Variants in NTM observed in about 807,000 individuals in gnomAD.
NTM encodes neurotrimin.
Under a neutral mutation model 42.1 loss-of-function variants are expected in NTM, and 13 were observed. The ratio of observed to expected loss-of-function variants is 0.31; its 90% CI spans 0.20 to 0.49. NTM has a LOEUF of 0.49. NTM is among the 20% of genes least tolerant of loss of function. The probability of loss-of-function intolerance (pLI) is 0.99; values close to 1 mark genes in which losing one functional copy is unlikely to be tolerated. For missense variants in NTM, 373 were observed against 452.8 expected, an observed-to-expected ratio of 0.82 and a Z score of 1.60; for synonymous variants, 187 against 179.2, an observed-to-expected ratio of 1.04 and a Z score of -0.35.
intron 1 of NTM, among the ~76,000 whole-genome samples, chr11:131,826,601 G>A (rs532975916): frequency 2.6e-5 from 4 of 151,874 alleles, no homozygotes; most frequent in Admixed American, 6.6e-5. Flanking sequence ...TCTAAATGGC[G>A]CAGTGGAAGG....
chr11:131,952,075 T>G (rs781530202), intron 2 of NTM, among the ~76,000 whole-genome samples: 6 of 152,110 alleles, frequency 3.9e-5, no homozygotes, highest in Non-Finnish European at 7.3e-5. Flanking sequence ...TGTCCTTGCT[T>G]ATAGACTCCT....
At chr11:131,746,695 C>T (rs558589848) in intron 1 of NTM, among the ~76,000 whole-genome samples, 1 of 152,132 alleles carries the variant, frequency 6.6e-6, no homozygotes, top group African/African-American at 2.4e-5. Flanking sequence ...TTCCAAGGAG[C>T]TCAGTTTTAT....
intron 4 of NTM, among the ~76,000 whole-genome samples, chr11:132,288,965 T>G (rs1329759442): frequency 1.3e-5 from 2 of 152,178 alleles, no homozygotes; most frequent in African/African-American, 4.8e-5. Context: ...TTTTACTCTA[T>G]CATCTCTATT....
chr11:132,317,590 G>A (rs1278558911), intron 7 of NTM: 2 of 893,640 alleles, frequency 2.2e-6, no homozygotes, highest in Non-Finnish European at 3.2e-6. Flanking sequence ...CAAATATATA[G>A]CACTGTATAT....
At chr11:132,261,918 G>A (rs148639776) in intron 4 of NTM, among the ~76,000 whole-genome samples, 8 of 152,298 alleles carry the variant, frequency 5.3e-5, no homozygotes, top group Non-Finnish European at 5.9e-5. Flanking sequence ...TGAATCCATC[G>A]ACAGCTGCAG....
At chr11:131,972,453 T>G (rs1187854577) in intron 2 of NTM, among the ~76,000 whole-genome samples, 5 of 152,198 alleles carry the variant, frequency 3.3e-5, no homozygotes, top group Non-Finnish European at 7.4e-5. Context: ...AGATGAAGTC[T>G]ATCTTACATA....
intron 1 of NTM, among the ~76,000 whole-genome samples, chr11:131,657,493 A>T (rs1296289581): frequency 6.6e-6 from 1 of 152,228 alleles, no homozygotes; most frequent in African/African-American, 2.4e-5. Context: ...GGTCTCCACC[A>T]ATTCCAGTTT....
intron 4 of NTM, among the ~76,000 whole-genome samples, chr11:132,244,315 C>T (rs768523861): frequency 5.3e-5 from 8 of 152,202 alleles, no homozygotes; most frequent in Non-Finnish European, 8.8e-5. Context: ...CTGTCTCTGC[C>T]TATGGGTTTT....
Position 132,067,920 on chromosome 11 carries a change from C to G in NTM, c.168-78362C>G, listed in dbSNP as rs1023550437. On this transcript the variant is annotated intron_variant, in intron 2 of 8. Coordinates refer to ENST00000683400, the MANE Select transcript of NTM (RefSeq NM_001352005.2). ...TAGTCATGTCCTTGATCCTTTCAGTCTAAGCTGGACATGTTTCTACTGATG... is the reference window on the plus strand; with the variant it reads ...TAGTCATGTCCTTGATCCTTTCAGTGTAAGCTGGACATGTTTCTACTGATG... Among the ~76,000 whole-genome samples, 3 of 152,318 alleles carry G rather than the reference C, an allele frequency of 2.0e-5. No individual in the cohort carries two copies. The East Asian group carries it at 5.8e-4, about 29-fold the overall frequency.
At chr11:132,231,761 C>G (rs752544672) in intron 4 of NTM, among the ~76,000 whole-genome samples, 1 of 152,198 alleles carries the variant, frequency 6.6e-6, no homozygotes, top group African/African-American at 2.4e-5. Context: ...TGCCCAGTGA[C>G]GAGCCTCCTT....
At chr11:132,110,873 A>G (rs1380178765) in intron 2 of NTM, among the ~76,000 whole-genome samples, 2 of 151,642 alleles carry the variant, frequency 1.3e-5, no homozygotes, top group Admixed American at 6.6e-5. Context: ...CATCTCTACT[A>G]AAAATAAAAT....
chr11:131,409,914 G>T (rs2135743252), intron 1 of NTM, among the ~76,000 whole-genome samples: 1 of 152,256 alleles, frequency 6.6e-6, no homozygotes, highest in African/African-American at 2.4e-5. Context: ...GTTAGCAGCA[G>T]CCTCCCATGG....
intron 2 of NTM, among the ~76,000 whole-genome samples, chr11:132,128,239 T>G (rs928040136): frequency 1.8e-4 from 9 of 49,516 alleles, no homozygotes; most frequent in East Asian, 5.6e-4. Context: ...TGTGAGTGTG[T>G]TTTTTTTTTT....
chr11:131,592,359 G>A (rs1226895847), intron 1 of NTM, among the ~76,000 whole-genome samples: 2 of 152,034 alleles, frequency 1.3e-5, no homozygotes, highest in Non-Finnish European at 2.9e-5. Flanking sequence ...AGCAGCTATA[G>A]CCTTTTAACC....
At chr11:132,046,758 G>T (rs1285393638) in intron 2 of NTM, among the ~76,000 whole-genome samples, 1 of 152,198 alleles carries the variant, frequency 6.6e-6, no homozygotes, top group Non-Finnish European at 1.5e-5. Flanking sequence ...AGGGGTCTTT[G>T]TGGTGAGGAA....
chr11:131,675,798 G>A (rs1056557311), intron 1 of NTM, among the ~76,000 whole-genome samples: 1 of 152,162 alleles, frequency 6.6e-6, no homozygotes, highest in Non-Finnish European at 1.5e-5. Flanking sequence ...CTCAGATGAA[G>A]GTGACTCAAG....
chr11:131,446,597 GAAATCCAGAGC>G (rs1950076364), intron 1 of NTM, among the ~76,000 whole-genome samples: 1 of 152,146 alleles, frequency 6.6e-6, no homozygotes, highest in Non-Finnish European at 1.5e-5. Flanking sequence ...CCTCCCCTTT[GAAATCCAGAGC>G]TTCCTGGAGT....
chr11:132,037,711 G>A (rs754420627), intron 2 of NTM, among the ~76,000 whole-genome samples: 1 of 152,122 alleles, frequency 6.6e-6, no homozygotes, highest in Non-Finnish European at 1.5e-5. Context: ...TCATTAACAC[G>A]CTCTCCTACT....
chr11:132,305,276 C>T (rs756721710), intron 4 of NTM, among the ~76,000 whole-genome samples: 16 of 152,174 alleles, frequency 1.1e-4, no homozygotes, highest in Non-Finnish European at 1.9e-4. Context: ...CACAAGAGAT[C>T]CAGAGAACCT....
Sources: allele counts gnomAD v4.1 joint callset (sites outside exome capture counted in the v4.1 genomes callset), GRCh38; gene constraint gnomAD v4.1.1; transcripts MANE v1.5; gene names NCBI Gene and HGNC (gene_info 2026-07-23, HGNC 2026-07-21).